The following SCNN1B variants were observed in gnomAD, a reference collection of about 807,000 sequenced individuals.
SCNN1B encodes epithelial sodium channel subunit beta.
Under a neutral mutation model 65.3 loss-of-function variants are expected in SCNN1B, and 46 were observed. The ratio of observed to expected loss-of-function variants is 0.70; its 90% confidence interval spans 0.56 to 0.90. The LOEUF is 0.90. Ranked by LOEUF, SCNN1B falls within the 40% of genes least tolerant of loss-of-function variation. SCNN1B has a pLI of 0.00. For synonymous variants in SCNN1B, 349 were observed against 330.6 expected (o/e 1.06, Z -0.60); for missense variants, 751 against 830.5 (o/e 0.90, Z 1.18).
At chr16:23,347,264 G>T (rs900931873) in intron 1 of SCNN1B, among the ~76,000 whole-genome samples, 1 of 151,938 alleles carries the variant, frequency 6.6e-6, no homozygotes, top group Non-Finnish European at 1.5e-5. Context: ...CTTACCCACC[G>T]ACAGCTAGTG....
intron 2 of SCNN1B, 140 bp downstream of exon 2, chr16:23,349,050 T>C (rs1962253081): frequency 1.4e-6 from 1 of 717,404 alleles, no homozygotes; most frequent in Non-Finnish European, 2.4e-6. Flanking sequence ...CTTTCTTCCT[T>C]CCTTTCTCCC....
At chr16:23,278,268 G>A (rs1334507747) in exon 1 of SCNN1B, 1 of 152,136 alleles carries the variant, frequency 6.6e-6, no homozygotes, top group African/African-American at 2.4e-5. Context: ...CAAAACACTT[G>A]GCTAAGTGGA....
At chr16:23,323,481 G>C in intron 1 of SCNN1B, 1 of 701,146 alleles carries the variant, frequency 1.4e-6, no homozygotes, top group East Asian at 2.7e-5. Flanking sequence ...CACTGTGCTA[G>C]GTGCTTCATA....
In SCNN1B at chr16:23,375,825, T is replaced by TA; in HGVS notation, c.1241dup (p.Tyr414Ter). 6.2e-7 allele frequency: 1 copy of TA among 1,613,524 alleles called. No individual in the cohort carries two copies. Among genetic ancestry groups the TA allele is most frequent in the South Asian group, 1.1e-5 (1 of 91,068 alleles). ...GTACCCACTGCCCCGTGGGGAGAAATACTGCAACAACCGGGACTTCCCAGA... is the reference window on the plus strand; with the variant it reads ...GTACCCACTGCCCCGTGGGGAGAAATAACTGCAACAACCGGGACTTCCCAGA... Reference protein sequence around the residue: ...YLYPLPRGEKYCNNRDFPDWA... With the variant: ...YLYPLPRGEK Residue 414 changes from tyrosine to a stop codon, truncating the protein, a stop_gained and frameshift_variant, in exon 8 of 13, where the codon TAC becomes TAAC. Transcript: ENST00000343070. LOFTEE classifies it high-confidence loss of function.
At chr16:23,306,707 A>C (rs984653269) in intron 1 of SCNN1B, among the ~76,000 whole-genome samples, 4 of 152,214 alleles carry the variant, frequency 2.6e-5, no homozygotes, top group Non-Finnish European at 5.9e-5. Flanking sequence ...GGAGCAGTGG[A>C]GTGAGAAAAG....
chr16:23,324,995 T>A (rs1425616817), intron 1 of SCNN1B, among the ~76,000 whole-genome samples: 3 of 152,166 alleles, frequency 2.0e-5, no homozygotes, highest in Non-Finnish European at 4.4e-5. Flanking sequence ...TCATACAGGG[T>A]AAAGCCCGGT....
chr16:23,296,270 A>G (rs1960996006), intron 2 of SCNN1B, among the ~76,000 whole-genome samples: 1 of 152,180 alleles, frequency 6.6e-6, no homozygotes, highest in Non-Finnish European at 1.5e-5. Flanking sequence ...AGGCCATCCA[A>G]GCCAAGCAGG....
chr16:23,343,296 T>C (rs1358211092), intron 1 of SCNN1B, among the ~76,000 whole-genome samples: 1 of 151,502 alleles, frequency 6.6e-6, no homozygotes, highest in East Asian at 1.9e-4. Flanking sequence ...CTATTAATAA[T>C]ACAAAATTAG....
At chr16:23,331,312 C>A (rs1961807253) in intron 1 of SCNN1B, among the ~76,000 whole-genome samples, 2 of 150,048 alleles carry the variant, frequency 1.3e-5, no homozygotes, top group South Asian at 2.1e-4. Flanking sequence ...GGCCAGGGAG[C>A]TTTTCCTAGT....
At chr16:23,306,745 C>A (rs556418790) in intron 1 of SCNN1B, among the ~76,000 whole-genome samples, 1 of 152,122 alleles carries the variant, frequency 6.6e-6, no homozygotes, top group Non-Finnish European at 1.5e-5. Context: ...ACAGTCTTTA[C>A]AAAAGCCTAG....
intron 7 of SCNN1B, 32 bp from the exon 8 acceptor site, chr16:23,375,706 T>C: frequency 6.9e-7 from 1 of 1,456,972 alleles, no homozygotes; most frequent in Non-Finnish European, 9.6e-7. Flanking sequence ...CATGCCTGTG[T>C]TCTCTCCTTA....
At chr16:23,366,826 C>T (rs1962679802) in intron 4 of SCNN1B, among the ~76,000 whole-genome samples, 1 of 152,178 alleles carries the variant, frequency 6.6e-6, no homozygotes, top group South Asian at 2.1e-4. Context: ...TCCCAACCTC[C>T]TCTTATTTTT....
At chr16:23,341,837 G>A (rs1962060885) in intron 1 of SCNN1B, among the ~76,000 whole-genome samples, 1 of 152,140 alleles carries the variant, frequency 6.6e-6, no homozygotes, top group Admixed American at 6.5e-5. Flanking sequence ...AATAAGTTTT[G>A]GAGAGGATGT....
rs768089183 is a variant in SCNN1B, at chr16:23,371,454, G to A, written c.1036G>A (p.Val346Ile). Residue 346 changes from valine to isoleucine, a missense_variant, in exon 6 of 13, where the codon GTA becomes ATA. By Grantham distance (29) the Val-to-Ile change is conservative. Coordinates refer to ENST00000343070, the MANE Select transcript of SCNN1B (RefSeq NM_000336.3). ...GTCGGGGACAGAGACGTCCATCGGGGTACTCGTGGTATGGCCGGAGCCCAA... is the reference window on the plus strand; with the variant it reads ...GTCGGGGACAGAGACGTCCATCGGGATACTCGTGGTATGGCCGGAGCCCAA... ...AMSGTETSIG[V>I]LVDKLQRMGE... is the part of the protein sequence containing the mutation. The A allele has an allele frequency of 5.6e-6, 9 of 1,613,660 alleles. No homozygotes were observed. Among genetic ancestry groups the A allele is most frequent in the Non-Finnish European group, 3.4e-6 (4 of 1,180,010 alleles).
At chr16:23,319,828 C>T (rs1030478265) in intron 1 of SCNN1B, among the ~76,000 whole-genome samples, 2 of 151,886 alleles carry the variant, frequency 1.3e-5, no homozygotes, top group Admixed American at 6.6e-5. Flanking sequence ...AGTGCAGTGG[C>T]GCAATCTTGG....
intron 4 of SCNN1B, among the ~76,000 whole-genome samples, chr16:23,366,513 C>G (rs1294065561): frequency 6.6e-6 from 1 of 152,056 alleles, no homozygotes; most frequent in African/African-American, 2.4e-5. Context: ...GTGTGGGGAT[C>G]ACCCGAGGTC....
chr16:23,311,037 G>A (rs1381656014), intron 1 of SCNN1B, among the ~76,000 whole-genome samples: 1 of 152,246 alleles, frequency 6.6e-6, no homozygotes, highest in Non-Finnish European at 1.5e-5. Flanking sequence ...GCAAATCGGT[G>A]CAAGCTCTTG....
intron 1 of SCNN1B, among the ~76,000 whole-genome samples, chr16:23,333,135 GAGGA>G (rs1170026156): frequency 1.9e-4 from 17 of 88,214 alleles, no homozygotes; most frequent in South Asian, 7.6e-4. Context: ...GGGAGGGAGG[GAGGA>G]AGGAAGGAAA....
chr16:23,325,962 C>G (rs1020555571), intron 1 of SCNN1B, among the ~76,000 whole-genome samples: 1 of 151,916 alleles, frequency 6.6e-6, no homozygotes, highest in Non-Finnish European at 1.5e-5. Flanking sequence ...AGCTACTTAG[C>G]TACTCGGGAG....
Sources: allele counts gnomAD v4.1 joint callset (sites outside exome capture counted in the v4.1 genomes callset), GRCh38; gene constraint gnomAD v4.1.1; transcripts MANE v1.5; gene names NCBI Gene and HGNC (gene_info 2026-07-23, HGNC 2026-07-21).